AGO2: variants seen among roughly 807,000 people sequenced by gnomAD.
The protein encoded by AGO2 is protein argonaute-2.
AGO2 carries 5 observed loss-of-function variants against 102.3 expected under a neutral mutation model. The observed-to-expected ratio is 0.05, with a 90% CI of 0.03 to 0.10. AGO2 has a LOEUF of 0.10. Ranked by LOEUF, AGO2 falls within the 10% of genes least tolerant of loss-of-function variation. The probability of loss-of-function intolerance (pLI) is 1.00; values close to 1 mark genes in which losing one functional copy is unlikely to be tolerated. For missense variants in AGO2, 541 were observed against 1,183.7 expected (o/e 0.46, Z 7.97); for synonymous variants, 449 against 473.1 (o/e 0.95, Z 0.66).
In AGO2 at chr8:140,530,271, C is replaced by G. The variant is rs1254751067; in HGVS notation, c.*1773G>C. Reference sequence around the variant, plus strand: ...GAGACCCCCGACCTGCGGCTTGCTGCCCCTCCTGCTGCCTCCAAAGCAGCT... The same window carrying G: ...GAGACCCCCGACCTGCGGCTTGCTGGCCCTCCTGCTGCCTCCAAAGCAGCT... On this transcript the variant is annotated 3_prime_UTR_variant, in exon 19 of 19. Coordinates refer to ENST00000220592, the MANE Select transcript of AGO2 (RefSeq NM_012154.5). The G allele has an allele frequency of 6.6e-6, 1 of 151,968 alleles. No homozygotes were observed. The highest frequency in any genetic ancestry group is 6.6e-5 in the Admixed American group (1 of 15,252). The allele number at this position is 151,968 out of a possible 1,614,324, so 9.4% of individuals were successfully genotyped here.
intron 11 of AGO2, 75 bp downstream of exon 11, chr8:140,551,228 G>A: frequency 2.1e-6 from 3 of 1,405,058 alleles, no homozygotes; most frequent in Non-Finnish European, 2.8e-6. Flanking sequence ...ACCAGAGTCA[G>A]CCCTGCAAGT....
rs1467755029 is a variant in AGO2, at chr8:140,532,498, C to T, written c.2389G>A (p.Val797Met). The T allele has an allele frequency of 1.9e-6, 3 of 1,614,268 alleles. No homozygotes were observed. The highest frequency in any genetic ancestry group is 1.7e-5 in the Admixed American group (1 of 60,034). ...CHTYVRCTRS[V>M]SIPAPAYYAH... ...TAGTATGCTGGCGCTGGGATGGACA[C>T]GGAGCGTGTGCAGCGCACGTAGGTG... Residue 797 changes from valine (V) to methionine (M), a missense_variant, in exon 18 of 19, where the codon GTG (valine) becomes ATG (methionine). Physicochemically the swap from Val to Met is conservative, Grantham distance 21 (BLOSUM62 1). Transcript: ENST00000220592.
chr8:140,595,367 T>G (rs979587732), intron 1 of AGO2, among the ~76,000 whole-genome samples: 1 of 152,090 alleles, frequency 6.6e-6, no homozygotes, highest in Non-Finnish European at 1.5e-5. Flanking sequence ...GGAAGAATTA[T>G]AAAACAAAAT....
At position 140,539,590 on chromosome 8, in the gene AGO2, G is replaced by T; in HGVS notation, c.2035-136C>A. Reference sequence around the variant, plus strand: ...ACAATGAGTGTGTTCACGGGGAGGTGAAAACACGGGGGCAGAAACCATCCT... The same window carrying T: ...ACAATGAGTGTGTTCACGGGGAGGTTAAAACACGGGGGCAGAAACCATCCT... On this transcript the variant is annotated intron_variant, in intron 15 of 18. Coordinates refer to ENST00000220592, the MANE Select transcript of AGO2 (RefSeq NM_012154.5). The surrounding 1 kb of genome is among the most constrained non-coding windows in gnomAD (Gnocchi z 4.7). 2 of 1,032,946 alleles carry T rather than the reference G, an allele frequency of 1.9e-6. No homozygotes were observed. The highest frequency in any genetic ancestry group is 1.7e-5 in the South Asian group (1 of 60,532). 64.0% of individuals were successfully genotyped at this position (1,032,946 alleles called of 1,614,324 possible). A position where few individuals can be genotyped will look rare whatever the true frequency, so the allele number is the denominator to read the frequency against.
chr8:140,611,431 G>A (rs1301472140), intron 1 of AGO2, among the ~76,000 whole-genome samples: 1 of 151,820 alleles, frequency 6.6e-6, no homozygotes, highest in African/African-American at 2.4e-5. Context: ...AGGTTGAAGC[G>A]ATTCTCCTCC....
At chr8:140,620,657 G>A (rs1198846525) in intron 1 of AGO2, among the ~76,000 whole-genome samples, 4 of 152,132 alleles carry the variant, frequency 2.6e-5, no homozygotes, top group Admixed American at 6.5e-5. Flanking sequence ...TTTGAGCTCA[G>A]GAGTTTGAGA....
intron 1 of AGO2, among the ~76,000 whole-genome samples, chr8:140,588,738 C>T (rs2073701681): frequency 2.0e-5 from 3 of 152,202 alleles, no homozygotes; most frequent in African/African-American, 7.2e-5. Context: ...TTGGAAGGGA[C>T]CTCAGCTGCT....
chr8:140,597,483 C>CGG (rs2073865081), intron 1 of AGO2, among the ~76,000 whole-genome samples: 2 of 138,234 alleles, frequency 1.4e-5, no homozygotes, highest in Admixed American at 7.0e-5. Flanking sequence ...CACCCCCCCC[C>CGG]CCCCGCCCCA....
At chr8:140,533,415 AGC>A (rs1183877300) in intron 17 of AGO2, among the ~76,000 whole-genome samples, 1 of 150,964 alleles carries the variant, frequency 6.6e-6, no homozygotes, top group East Asian at 2.0e-4. Context: ...AAAGATATAA[AGC>A]AATATTGAAA....
intron 3 of AGO2, among the ~76,000 whole-genome samples, chr8:140,564,322 G>A (rs980080666): frequency 2.0e-5 from 3 of 148,172 alleles, no homozygotes; most frequent in Non-Finnish European, 1.5e-5. Context: ...TCAAGGCTTC[G>A]CCCATGGGGG....
chr8:140,636,402 C>T (rs921252766), upstream of AGO2: 1 of 152,272 alleles, frequency 6.6e-6, no homozygotes, highest in Non-Finnish European at 1.5e-5. Context: ...CCCTCTGGGT[C>T]CGTCTGGTTT....
Position 140,557,011 on chromosome 8 carries a change from T to C in AGO2, c.1026+78A>G. 2 of 1,522,426 alleles carry C rather than the reference T, an allele frequency of 1.3e-6. No homozygotes were observed. The highest frequency in any genetic ancestry group is 1.3e-5 in the South Asian group (1 of 77,590). 94.3% of individuals were successfully genotyped at this position (1,522,426 alleles called of 1,614,324 possible). On this transcript the variant is annotated intron_variant, in intron 8 of 18. Transcript: ENST00000220592. The surrounding 1 kb of genome is among the most constrained non-coding windows in gnomAD (Gnocchi z 5.9). ...TTGTATCTGACTGGGGCCTCGGCGG[T>C]TTCTCGAAGCTGCATGCCCCAGCCT...
chr8:140,551,233 G>C, intron 11 of AGO2, 70 bp downstream of exon 11: 1 of 1,408,728 alleles, frequency 7.1e-7, no homozygotes, highest in Non-Finnish European at 9.3e-7. Flanking sequence ...AGTCAGCCCT[G>C]CAAGTGGTCA....
intron 11 of AGO2, among the ~76,000 whole-genome samples, chr8:140,549,853 G>T (rs1241499072): frequency 6.6e-6 from 1 of 152,224 alleles, no homozygotes; most frequent in Non-Finnish European, 1.5e-5. Context: ...GCAACGGCTA[G>T]CCTTGTGAAG....
rs2073405943 is a variant in AGO2, at chr8:140,572,934, TG to T, written c.216-3del. The T allele has an allele frequency of 6.2e-7, 1 of 1,600,812 alleles. No individual in the cohort carries two copies. Among genetic ancestry groups the T allele is most frequent in the Non-Finnish European group, 8.5e-7 (1 of 1,173,968 alleles). ...TGGACCATGTGTTCCACGATTTCCC[TG>T]AAACAAAGACAAAAGTCGGGCAAAA... is the stretch of plus-strand genomic sequence containing the variant. On this transcript the variant is annotated splice_region_variant and splice_polypyrimidine_tract_variant and intron_variant, in intron 2 of 18. Coordinates refer to ENST00000220592, the MANE Select transcript of AGO2 (RefSeq NM_012154.5).
rs575531429 is a variant in AGO2 at position 140,625,510 on chromosome 8, T to G, written c.22+9975A>C. On this transcript the variant is annotated intron_variant, in intron 1 of 18. Coordinates refer to ENST00000220592, the MANE Select transcript of AGO2 (RefSeq NM_012154.5). ...CAACCATGGTCTTTCATCCCTCGTA[T>G]CCAGGGGGTGCTTTACACCTGGCTC... Among the ~76,000 whole-genome samples the G allele has an allele frequency of 3.3e-5, 5 of 152,216 alleles. No homozygotes were observed. The South Asian group carries it at 1.0e-3, about 32-fold the overall frequency.
intron 1 of AGO2, among the ~76,000 whole-genome samples, chr8:140,602,341 T>C (rs1474993196): frequency 6.6e-6 from 1 of 152,220 alleles, no homozygotes; most frequent in Non-Finnish European, 1.5e-5. Flanking sequence ...GGGAAAAAAC[T>C]GTCCTCTCCC....
chr8:140,588,699 C>G (rs1016591811), intron 1 of AGO2, among the ~76,000 whole-genome samples: 2 of 152,130 alleles, frequency 1.3e-5, no homozygotes, highest in Non-Finnish European at 2.9e-5. Flanking sequence ...ATTCTTTGTG[C>G]AGGGCAATAA....
chr8:140,625,775 A>G (rs530816559), intron 1 of AGO2, among the ~76,000 whole-genome samples: 1 of 152,244 alleles, frequency 6.6e-6, no homozygotes, highest in East Asian at 1.9e-4. Context: ...ATGTTTCAGA[A>G]CATTCCAGGA....
Sources: allele counts gnomAD v4.1 joint callset (sites outside exome capture counted in the v4.1 genomes callset), GRCh38; gene constraint gnomAD v4.1.1; non-coding constraint Gnocchi (gnomAD v3.1); transcripts MANE v1.5; gene names NCBI Gene and HGNC (gene_info 2026-07-23, HGNC 2026-07-21).